The following ATP2A2 variants were observed in gnomAD, a reference collection of about 807,000 sequenced individuals.
ATP2A2 encodes the protein ATPase sarcoplasmic/endoplasmic reticulum Ca2+ transporting 2, also known as sarcoplasmic/endoplasmic reticulum calcium ATPase 2.
Under a neutral mutation model 109.3 loss-of-function variants are expected in ATP2A2, and 14 were observed. The observed-to-expected ratio is 0.13, with a 90% CI of 0.08 to 0.20. The LOEUF is 0.20. Among genes scored for constraint, ATP2A2 ranks in the 10% least tolerant of loss-of-function variants. The pLI is 1.00. For missense variants in ATP2A2, 657 were observed against 1,321.6 expected, an observed-to-expected ratio of 0.50 and a Z score of 7.80; for synonymous variants, 506 against 490.9, an observed-to-expected ratio of 1.03 and a Z score of -0.41.
intron 3 of ATP2A2, among the ~76,000 whole-genome samples, chr12:110,291,122 G>T (rs1282920709): frequency 6.6e-6 from 1 of 151,928 alleles, no homozygotes; most frequent in Non-Finnish European, 1.5e-5. Flanking sequence ...TGGTCAGGCT[G>T]GTCTCGAGCT....
At chr12:110,285,139 C>G (rs1872536798) in intron 3 of ATP2A2, among the ~76,000 whole-genome samples, 2 of 152,178 alleles carry the variant, frequency 1.3e-5, no homozygotes, top group South Asian at 4.1e-4. Context: ...CTTCAAATAT[C>G]AAACTAAGTA....
At chr12:110,307,054 C>T (rs375903312) in intron 5 of ATP2A2, among the ~76,000 whole-genome samples, 27 of 152,060 alleles carry the variant, frequency 1.8e-4, no homozygotes, top group African/African-American at 4.3e-4. Flanking sequence ...CCACCACGCC[C>T]GGCCACAATT....
intron 5 of ATP2A2, among the ~76,000 whole-genome samples, chr12:110,305,602 TC>T (rs1350440625): frequency 6.6e-6 from 1 of 152,252 alleles, no homozygotes; most frequent in Non-Finnish European, 1.5e-5. Flanking sequence ...TCCATTGATC[TC>T]TGTCTTTAGG....
At chr12:110,319,456 T>G (rs745821158) in intron 5 of ATP2A2, among the ~76,000 whole-genome samples, 2 of 151,468 alleles carry the variant, frequency 1.3e-5, no homozygotes, top group Non-Finnish European at 2.9e-5. Flanking sequence ...CATTTGACAT[T>G]TAAGGTATTC....
chr12:110,289,509 TTGG>T (rs1258457668), intron 3 of ATP2A2, among the ~76,000 whole-genome samples: 1 of 152,182 alleles, frequency 6.6e-6, no homozygotes, highest in Non-Finnish European at 1.5e-5. Flanking sequence ...TCACTGGACG[TTGG>T]TGGTGATTGG....
intron 16 of ATP2A2, among the ~76,000 whole-genome samples, chr12:110,344,524 C>T (rs1343675264): frequency 1.3e-5 from 2 of 152,180 alleles, no homozygotes; most frequent in East Asian, 3.9e-4. Flanking sequence ...TCTAGTCCCT[C>T]AAACTGTGCA....
chr12:110,292,198 T>A, intron 4 of ATP2A2, 74 bp downstream of exon 4: 1 of 1,127,622 alleles, frequency 8.9e-7, no homozygotes, highest in Non-Finnish European at 1.3e-6. Context: ...ATCTTTCTGT[T>A]ATCTGTTTTT....
chr12:110,281,753 G>C lies in ATP2A2; in HGVS notation c.-37G>C, dbSNP rs1194323522. 7.0e-7 allele frequency: 1 copy of C among 1,427,774 alleles called. No homozygotes were observed. Among genetic ancestry groups the C allele is most frequent in the Non-Finnish European group, 9.3e-7 (1 of 1,074,274 alleles). The allele number at this position is 1,427,774 out of a possible 1,614,324, so 88.4% of individuals were successfully genotyped here. A position where few individuals can be genotyped will look rare whatever the true frequency, so the allele number is the denominator to read the frequency against. On this transcript the variant is annotated 5_prime_UTR_variant, in exon 1 of 20. Coordinates refer to ENST00000539276, the MANE Select transcript of ATP2A2 (RefSeq NM_170665.4). ...TGCGAGGCGGAGGCGAGGAGGCCGC[G>C]GGGACGGGAGGCGAGGCCGGCCGGG... is the stretch of plus-strand genomic sequence containing the variant.
In ATP2A2 at chr12:110,342,315, G is replaced by A. The variant is rs886048953; in HGVS notation, c.2185G>A (p.Ala729Thr). The A allele has an allele frequency of 2.5e-6, 4 of 1,614,184 alleles. No homozygotes were observed. The highest frequency in any genetic ancestry group is 3.4e-6 in the Non-Finnish European group (4 of 1,180,030). The change falls in exon 15 of 20, where the codon GCC becomes ACC. Residue 729 changes from alanine to threonine, a missense_variant. Physicochemically the swap from Ala to Thr is moderately conservative, Grantham distance 58 (BLOSUM62 0). Around this residue, in one of 9 missense-constraint regions of ATP2A2, gnomAD observed 50 missense variants for 176.9 expected, o/e 0.28. Coordinates refer to ENST00000539276, the MANE Select transcript of ATP2A2 (RefSeq NM_170665.4). This position sits in a 1 kb window ranked among gnomAD's most constrained non-coding sequence, Gnocchi z 4.6. Reference sequence around the variant, plus strand: ...CTCTGGCACTGCGGTGGCTAAAACCGCCTCTGAGATGGTCCTGGCGGATGA... The same window carrying A: ...CTCTGGCACTGCGGTGGCTAAAACCACCTCTGAGATGGTCCTGGCGGATGA... ...MGSGTAVAKT[A>T]SEMVLADDNF...
chr12:110,303,158 T>C (rs1420514130), intron 5 of ATP2A2, among the ~76,000 whole-genome samples: 1 of 152,230 alleles, frequency 6.6e-6, no homozygotes, highest in Admixed American at 6.5e-5. Context: ...TATGATAGGC[T>C]CAGCTAATGT....
At chr12:110,325,493 G>T (rs941376995) in intron 6 of ATP2A2, among the ~76,000 whole-genome samples, 1 of 152,020 alleles carries the variant, frequency 6.6e-6, no homozygotes, top group Admixed American at 6.6e-5. Flanking sequence ...AATTAGCTGG[G>T]CATGGTGGCA....
rs1592861478 is a variant in ATP2A2, at chr12:110,340,958, A to G, written c.2061A>G (p.Val687=). ...AACCCTCCCACAAGTCTAAAATCGT[A>G]GAATTTCTTCAGTCTTTTGATGAGA... is the stretch of plus-strand genomic sequence containing the variant. The part of the protein sequence containing the change: ...RVEPSHKSKI[V]EFLQSFDEIT... The change falls in exon 14 of 20, where the codon GTA becomes GTG. Residue 687 remains valine (V), a synonymous_variant. Coordinates refer to ENST00000539276, the MANE Select transcript of ATP2A2 (RefSeq NM_170665.4). This position sits in a 1 kb window ranked among gnomAD's most constrained non-coding sequence, Gnocchi z 6.0. 1 of 1,614,122 alleles carries G rather than the reference A, an allele frequency of 6.2e-7. No individual in the cohort carries two copies. The highest frequency in any genetic ancestry group is 8.5e-7 in the Non-Finnish European group (1 of 1,180,052).
chr12:110,286,511 T>C (rs1291877452), intron 3 of ATP2A2, among the ~76,000 whole-genome samples: 2 of 152,198 alleles, frequency 1.3e-5, no homozygotes, highest in African/African-American at 4.8e-5. Context: ...AAGATTGTTT[T>C]CTCATGCCTG....
intron 5 of ATP2A2, among the ~76,000 whole-genome samples, chr12:110,306,139 C>T (rs558544213): frequency 2.5e-3 from 383 of 152,172 alleles, no homozygotes; most frequent in Admixed American, 4.1e-3. Flanking sequence ...CTCGGGTTCA[C>T]GCCATTCTCC....
chr12:110,326,267 T>C, intron 6 of ATP2A2, 123 bp from the exon 7 acceptor site: 1 of 911,952 alleles, frequency 1.1e-6, no homozygotes, highest in Admixed American at 2.0e-5. Context: ...ATTGGGCCTT[T>C]TGCCAACCTT....
chr12:110,328,135 A>G, intron 8 of ATP2A2, 118 bp downstream of exon 8: 2 of 1,019,354 alleles, frequency 2.0e-6, no homozygotes, highest in Admixed American at 2.1e-5. Context: ...GGCTGTATGT[A>G]TAGCCTGAGC....
At position 110,322,458 on chromosome 12, in the gene ATP2A2, CAG is replaced by C. The variant is rs1421711491; in HGVS notation, c.464-531_464-530del. Among the ~76,000 whole-genome samples, 3 of 151,190 alleles carry C rather than the reference CAG, an allele frequency of 2.0e-5. No individual in the cohort carries two copies. The East Asian group carries it at 5.8e-4, about 29-fold the overall frequency. ...TCACTGATCTCTACATCCTGGGTGA[CAG>C]AGCAAGGCCCTGTCTCAAAAAAAAA... On this transcript the variant is annotated intron_variant, in intron 5 of 19. Coordinates refer to ENST00000539276, the MANE Select transcript of ATP2A2 (RefSeq NM_170665.4).
intron 4 of ATP2A2, 116 bp downstream of exon 4, chr12:110,292,240 G>C (rs1247656869): frequency 4.9e-6 from 4 of 809,952 alleles, no homozygotes; most frequent in Non-Finnish European, 8.3e-6. Context: ...ATGTTTGCGG[G>C]AAGTTTACAT....
chr12:110,344,844 C>G (rs758642953), intron 16 of ATP2A2, 42 bp from the exon 17 acceptor site: 1 of 1,593,052 alleles, frequency 6.3e-7, no homozygotes, highest in Non-Finnish European at 8.6e-7. Flanking sequence ...GCAGCGAGCC[C>G]TGCAGAGGCA....
Sources: allele counts gnomAD v4.1 joint callset (sites outside exome capture counted in the v4.1 genomes callset), GRCh38; gene constraint gnomAD v4.1.1; regional missense constraint gnomAD v4.1.1; non-coding constraint Gnocchi (gnomAD v3.1); transcripts MANE v1.5; gene names NCBI Gene and HGNC (gene_info 2026-07-23, HGNC 2026-07-21).